The following GRID2 variants were observed in gnomAD, a reference collection of about 807,000 sequenced individuals.
GRID2 encodes glutamate ionotropic receptor delta type subunit 2.
Under a neutral mutation model 114.8 loss-of-function variants are expected in GRID2, and 33 were observed. That is an observed-to-expected ratio of 0.29 (90% CI 0.22 to 0.38). The LOEUF (loss-of-function observed/expected upper bound fraction) is 0.38, where lower values mean the gene tolerates loss of function less well. GRID2 is among the 10% of genes least tolerant of loss of function. GRID2 has a pLI of 1.00. For synonymous variants in GRID2, 505 were observed against 449.9 expected, an observed-to-expected ratio of 1.12 and a Z score of -1.55; for missense variants, 1,184 against 1,257.7, an observed-to-expected ratio of 0.94 and a Z score of 0.89.
At chr4:92,558,357 A>G (rs1398328150) in intron 1 of GRID2, among the ~76,000 whole-genome samples, 1 of 152,144 alleles carries the variant, frequency 6.6e-6, no homozygotes, top group Non-Finnish European at 1.5e-5. Flanking sequence ...GTACTATCCC[A>G]TTCACATTTT....
At chr4:93,122,945 G>T (rs1010010809) in intron 4 of GRID2, among the ~76,000 whole-genome samples, 3 of 86,486 alleles carry the variant, frequency 3.5e-5, no homozygotes, top group African/African-American at 1.5e-4. Context: ...TTTACTTTGC[G>T]TTTGACCTAA....
chr4:93,011,094 A>T (rs1404823803), intron 2 of GRID2, among the ~76,000 whole-genome samples: 1 of 148,350 alleles, frequency 6.7e-6, no homozygotes, highest in Non-Finnish European at 1.5e-5. Context: ...TGTCCAGGTA[A>T]TTTTTTAAAA....
intron 14 of GRID2, among the ~76,000 whole-genome samples, chr4:93,666,799 A>G (rs1215309982): frequency 6.6e-6 from 1 of 152,118 alleles, no homozygotes; most frequent in South Asian, 2.1e-4. Flanking sequence ...TCATAACAAC[A>G]GTTCCCAGAA....
intron 2 of GRID2, among the ~76,000 whole-genome samples, chr4:92,613,090 A>C (rs1729834491): frequency 6.6e-6 from 1 of 151,382 alleles, no homozygotes; most frequent in South Asian, 2.1e-4. Context: ...ATGTTGAAGA[A>C]ATTTCCTAAT....
At chr4:92,800,547 A>G (rs970275615) in intron 2 of GRID2, among the ~76,000 whole-genome samples, 12 of 152,046 alleles carry the variant, frequency 7.9e-5, no homozygotes, top group African/African-American at 2.9e-4. Context: ...TCACATATAC[A>G]TGGTTCAGAA....
intron 1 of GRID2, among the ~76,000 whole-genome samples, chr4:92,556,751 G>A (rs1451390677): frequency 1.3e-5 from 2 of 152,066 alleles, no homozygotes; most frequent in African/African-American, 4.8e-5. Flanking sequence ...TGCCTTGTGG[G>A]CCTCTCCACA....
intron 13 of GRID2, among the ~76,000 whole-genome samples, chr4:93,596,948 G>T (rs370553566): frequency 6.6e-6 from 1 of 151,910 alleles, no homozygotes; most frequent in African/African-American, 2.4e-5. Context: ...TTTGATATTC[G>T]GCATTTTGAT....
intron 2 of GRID2, among the ~76,000 whole-genome samples, chr4:93,052,369 C>T (rs567725826): frequency 2.8e-4 from 43 of 151,944 alleles, no homozygotes; most frequent in South Asian, 2.5e-3. Flanking sequence ...TGTTCTGAGA[C>T]GTGCATCTTT....
chr4:93,769,219 G>A lies in GRID2; in HGVS notation c.2370G>A (p.Glu790=), dbSNP rs765985750. The part of the protein sequence containing the change: ...YRDVFSQRIL[E]LQQNGDMDIL... The stretch of plus-strand genomic sequence containing the variant: ...TGTTCTTTATCCCAAGGATCCTGGA[G>A]CTTCAGCAGAATGGTGACATGGACA... Residue 790 remains glutamate (E), a synonymous_variant, in exon 15 of 16, where the codon GAG becomes GAA. Transcript: ENST00000282020. 3 of 1,614,018 alleles carry A rather than the reference G, an allele frequency of 1.9e-6. No homozygotes were observed. In the Admixed American group the frequency reaches 5.0e-5, roughly 27 times the overall value.
intron 14 of GRID2, among the ~76,000 whole-genome samples, chr4:93,744,818 A>ATT (rs1560967198): frequency 4.6e-5 from 7 of 152,130 alleles, no homozygotes; most frequent in African/African-American, 1.4e-4. Flanking sequence ...AAGAATTGAT[A>ATT]CAGCAACCCT....
At chr4:92,985,284 C>G (rs988189310) in intron 2 of GRID2, among the ~76,000 whole-genome samples, 2 of 149,194 alleles carry the variant, frequency 1.3e-5, no homozygotes, top group Admixed American at 1.3e-4. Flanking sequence ...ACTGCAGTGG[C>G]GCGATCTCAG....
intron 2 of GRID2, among the ~76,000 whole-genome samples, chr4:92,919,507 C>T (rs1427042667): frequency 3.9e-5 from 6 of 152,186 alleles, no homozygotes; most frequent in Non-Finnish European, 8.8e-5. Flanking sequence ...AAGTTTCCCT[C>T]TACACACTGC....
At chr4:93,412,506 C>T (rs1767298878) in intron 9 of GRID2, among the ~76,000 whole-genome samples, 1 of 152,056 alleles carries the variant, frequency 6.6e-6, no homozygotes, top group South Asian at 2.1e-4. Flanking sequence ...CACATTTATG[C>T]TCATTTATGA....
At chr4:92,495,923 C>T (rs971398456) in intron 1 of GRID2, among the ~76,000 whole-genome samples, 2 of 151,784 alleles carry the variant, frequency 1.3e-5, no homozygotes, top group Non-Finnish European at 1.5e-5. Flanking sequence ...TATACCCAGA[C>T]ATGCAAACTT....
At chr4:92,524,657 A>G (rs551094452) in intron 1 of GRID2, among the ~76,000 whole-genome samples, 1 of 152,008 alleles carries the variant, frequency 6.6e-6, no homozygotes, top group South Asian at 2.1e-4. Context: ...AATTCCGTCT[A>G]CTTTCTTAGT....
intron 4 of GRID2, among the ~76,000 whole-genome samples, chr4:93,181,593 A>G (rs1739905553): frequency 6.6e-6 from 1 of 152,200 alleles, no homozygotes; most frequent in African/African-American, 2.4e-5. Flanking sequence ...ACCATCGTCA[A>G]TGATCTTAGC....
intron 4 of GRID2, among the ~76,000 whole-genome samples, chr4:93,189,545 C>G (rs1740767535): frequency 6.6e-6 from 1 of 152,106 alleles, no homozygotes; most frequent in Non-Finnish European, 1.5e-5. Flanking sequence ...CAGATCATAG[C>G]AATAGCCATC....
chr4:92,620,409 T>C (rs565937857), intron 2 of GRID2, among the ~76,000 whole-genome samples: 105 of 151,900 alleles, frequency 6.9e-4, no homozygotes, highest in African/African-American at 2.4e-3. Context: ...TAAGCTACTA[T>C]GAAGCTATGT....
intron 3 of GRID2, among the ~76,000 whole-genome samples, chr4:93,087,203 G>GT (rs113663095): frequency 0.063 from 9,125 of 145,928 alleles, 375 homozygotes; most frequent in East Asian, 0.2. Flanking sequence ...CCTAGCTATT[G>GT]TTTTTTTTTT....
Sources: gnomAD v4.1 joint callset for allele counts (sites outside exome capture counted in the v4.1 genomes callset) on GRCh38, gnomAD v4.1.1 for gene constraint, MANE v1.5 for transcripts, NCBI Gene and HGNC (gene_info 2026-07-23, HGNC 2026-07-21) for gene names.